AGAP1: variants seen among roughly 807,000 people sequenced by gnomAD.
AGAP1 encodes ArfGAP with GTPase domain, ankyrin repeat and PH domain 1, also known as arf-GAP with GTPase, ANK repeat and PH domain-containing protein 1.
Under a neutral mutation model 105.3 loss-of-function variants are expected in AGAP1, and 29 were observed. The ratio of observed to expected loss-of-function variants is 0.28; its 90% CI spans 0.21 to 0.38. The LOEUF (loss-of-function observed/expected upper bound fraction) is 0.38. Among genes scored for constraint, AGAP1 ranks in the 10% least tolerant of loss-of-function variants. The pLI is 1.00. For synonymous variants in AGAP1, 509 were observed against 485.9 expected, an observed-to-expected ratio of 1.05 and a Z score of -0.63; for missense variants, 998 against 1,165.1, an observed-to-expected ratio of 0.86 and a Z score of 2.09.
In AGAP1 at chr2:236,113,332, G is replaced by A. The variant is rs2059696140; in HGVS notation, c.2115-6860G>A. Among the ~76,000 whole-genome samples, 1 of 151,894 alleles carries A rather than the reference G, an allele frequency of 6.6e-6. No individual in the cohort carries two copies. The highest frequency in any genetic ancestry group is 2.4e-5 in the African/African-American group (1 of 41,340). On this transcript the variant is annotated intron_variant, in intron 16 of 17. Transcript: ENST00000304032. The surrounding 1 kb of genome is among the most constrained non-coding windows in gnomAD (Gnocchi z 4.3). ...ATTTTTGTATTTTTAGTAGAGATGG[G>A]GTTTTACCATGTTGGCCAGGCTGGT...
intron 1 of AGAP1, among the ~76,000 whole-genome samples, chr2:235,708,775 C>T (rs1366273664): frequency 6.6e-6 from 1 of 152,178 alleles, no homozygotes; most frequent in Non-Finnish European, 1.5e-5. Flanking sequence ...CAAATGTGGA[C>T]CGACAGGCTA....
rs1014537736 is a variant in AGAP1, at chr2:236,045,569, T to G, written c.1892-3490T>G. 2.6e-5 allele frequency among the ~76,000 whole-genome samples: 4 copies of G among 151,922 alleles called. No individual in the cohort carries two copies. The highest frequency in any genetic ancestry group is 9.7e-5 in the African/African-American group (4 of 41,328). On this transcript the variant is annotated intron_variant, in intron 15 of 17. Transcript: ENST00000304032. This position sits in a 1 kb window ranked among gnomAD's most constrained non-coding sequence, Gnocchi z 6.9. The stretch of plus-strand genomic sequence containing the variant: ...TGCTAGCAGGTGGCACGCACACAGG[T>G]GTGAGGGCCTGGAGAGCAGGCAGGG...
chr2:235,706,242 C>T (rs73124485), intron 1 of AGAP1, among the ~76,000 whole-genome samples: 11,655 of 152,130 alleles, frequency 0.077, 1,459 homozygotes, highest in African/African-American at 0.26. Context: ...TTTTAAATAA[C>T]GAGATGGAGT....
rs992752170 is a variant in AGAP1, at chr2:236,003,786, C to G, written c.1646-32775C>G. 6.8e-6 allele frequency among the ~76,000 whole-genome samples: 1 copy of G among 146,932 alleles called. No homozygotes were observed. The highest frequency in any genetic ancestry group is 2.2e-4 in the South Asian group (1 of 4,638). On this transcript the variant is annotated intron_variant, in intron 13 of 17. Coordinates refer to ENST00000304032, the MANE Select transcript of AGAP1 (RefSeq NM_001037131.3). The surrounding 1 kb of genome is among the most constrained non-coding windows in gnomAD (Gnocchi z 4.2). Reference sequence around the variant, plus strand: ...TGGAGGGGTCACTGCTGTCCTACCACTTTTTTTTTTTTCTGGAAGTTTGCA... The same window carrying G: ...TGGAGGGGTCACTGCTGTCCTACCAGTTTTTTTTTTTTCTGGAAGTTTGCA...
chr2:235,573,728 C>G (rs183577095), intron 1 of AGAP1, among the ~76,000 whole-genome samples: 64 of 152,356 alleles, frequency 4.2e-4, no homozygotes, highest in African/African-American at 1.3e-3. Context: ...CGCCCCATCA[C>G]CAGCAGGTGG....
At chr2:235,571,030 G>A (rs1024218971) in intron 1 of AGAP1, among the ~76,000 whole-genome samples, 4 of 152,238 alleles carry the variant, frequency 2.6e-5, no homozygotes, top group South Asian at 2.1e-4. Context: ...CAATCATGGC[G>A]GAAGGCAAAG....
chr2:235,609,251 C>T lies in AGAP1; in HGVS notation c.164-99928C>T, dbSNP rs1488069222. ...GATGACCGTAAACAAGCTGTGGGAA[C>T]ATAAGGAAAAGCAGATGTGGCCACT... On this transcript the variant is annotated intron_variant, in intron 1 of 17. Coordinates refer to ENST00000304032, the MANE Select transcript of AGAP1 (RefSeq NM_001037131.3). The surrounding 1 kb of genome is among the most constrained non-coding windows in gnomAD (Gnocchi z 5.1). Among the ~76,000 whole-genome samples the T allele has an allele frequency of 2.0e-5, 3 of 151,998 alleles. No homozygotes were observed. The highest frequency in any genetic ancestry group is 6.6e-5 in the Admixed American group (1 of 15,262).
intron 13 of AGAP1, among the ~76,000 whole-genome samples, chr2:236,026,002 G>A (rs972468718): frequency 7.9e-5 from 12 of 152,302 alleles, no homozygotes; most frequent in African/African-American, 2.6e-4. Context: ...AGAGGCACCA[G>A]GCTCCCTGCC....
In AGAP1 at chr2:236,119,984, C is replaced by T. The variant is rs2125974800; in HGVS notation, c.2115-208C>T. 6.6e-6 allele frequency among the ~76,000 whole-genome samples: 1 copy of T among 152,322 alleles called. No homozygotes were observed. Among genetic ancestry groups the T allele is most frequent in the East Asian group, 1.9e-4 (1 of 5,174 alleles). ...GGGGTCTGGGGCGTGACCTGAGAAT[C>T]TGCATTTCTGGGCTGATGCTGCTGG... is the stretch of plus-strand genomic sequence containing the variant. On this transcript the variant is annotated intron_variant, in intron 16 of 17. Coordinates refer to ENST00000304032, the MANE Select transcript of AGAP1 (RefSeq NM_001037131.3). The surrounding 1 kb of genome is among the most constrained non-coding windows in gnomAD (Gnocchi z 6.6).
intron 1 of AGAP1, among the ~76,000 whole-genome samples, chr2:235,548,513 C>G (rs998396111): frequency 2.6e-5 from 4 of 152,082 alleles, no homozygotes; most frequent in African/African-American, 9.7e-5. Context: ...ATTAGCCAGG[C>G]GTGGTGGCAT....
chr2:235,521,758 G>T (rs1282113778), intron 1 of AGAP1, among the ~76,000 whole-genome samples: 1 of 151,886 alleles, frequency 6.6e-6, no homozygotes, highest in East Asian at 1.9e-4. Context: ...GTGTGTGTGT[G>T]TGTGTGTGTG....
chr2:235,752,870 T>C lies in AGAP1; in HGVS notation c.673+2382T>C, dbSNP rs1166297773. 6.6e-6 allele frequency among the ~76,000 whole-genome samples: 1 copy of C among 152,222 alleles called. No individual in the cohort carries two copies. The highest frequency in any genetic ancestry group is 1.5e-5 in the Non-Finnish European group (1 of 68,038). On this transcript the variant is annotated intron_variant, in intron 6 of 17. Transcript: ENST00000304032. The surrounding 1 kb of genome is among the most constrained non-coding windows in gnomAD (Gnocchi z 4.3). ...TGCTCTAACAAGACCCAGTGGCTTATACAACAGACTTTTACTTGTCCTACT... is the reference window on the plus strand; with the variant it reads ...TGCTCTAACAAGACCCAGTGGCTTACACAACAGACTTTTACTTGTCCTACT...
rs57069910 is a variant in AGAP1 at position 235,721,477 on chromosome 2, ATGTGTGTGTG to A, written c.310+3851_310+3860del. On this transcript the variant is annotated intron_variant, in intron 3 of 17. Coordinates refer to ENST00000304032, the MANE Select transcript of AGAP1 (RefSeq NM_001037131.3). The surrounding 1 kb of genome is among the most constrained non-coding windows in gnomAD (Gnocchi z 4.5). ...TTGGATTGACAGATTCCTTAATATT[ATGTGTGTGTG>A]TGTGTGTGTGTGTGTGTACACCTAG... Among the ~76,000 whole-genome samples, 1,569 of 149,726 alleles carry A rather than the reference ATGTGTGTGTG, an allele frequency of 0.01. 36 individuals carry two copies. The highest frequency in any genetic ancestry group is 0.035 in the African/African-American group (1,436 of 40,754).
chr2:235,602,510 G>A (rs1047817317), intron 1 of AGAP1, among the ~76,000 whole-genome samples: 6 of 152,166 alleles, frequency 3.9e-5, no homozygotes, highest in East Asian at 1.9e-4. Flanking sequence ...CCTCTAGCAC[G>A]CCAGCCCCAG....
rs2056186397 is a variant in AGAP1 at position 236,002,980 on chromosome 2, C to T, written c.1646-33581C>T. On this transcript the variant is annotated intron_variant, in intron 13 of 17. Transcript: ENST00000304032. The surrounding 1 kb of genome is among the most constrained non-coding windows in gnomAD (Gnocchi z 4.3). ...CCCAGCTCTTCTTTTGTTTTGCTCA[C>T]CGAGAAAAAGAAGACTCGGGAACCA... 6.6e-6 allele frequency among the ~76,000 whole-genome samples: 1 copy of T among 152,020 alleles called. No individual in the cohort carries two copies. Among genetic ancestry groups the T allele is most frequent in the African/African-American group, 2.4e-5 (1 of 41,374 alleles).
intron 1 of AGAP1, among the ~76,000 whole-genome samples, chr2:235,495,782 C>G (rs1020363039): frequency 2.0e-5 from 3 of 152,218 alleles, no homozygotes; most frequent in African/African-American, 7.2e-5. Context: ...ACCTGGGGCA[C>G]CAGGTGGCAT....
intron 1 of AGAP1, among the ~76,000 whole-genome samples, chr2:235,624,903 G>A (rs1036783952): frequency 1.3e-5 from 2 of 151,824 alleles, no homozygotes. Context: ...CCCACTCCCC[G>A]ACCCCTCTAC....
At chr2:235,518,047 T>G (rs562732139) in intron 1 of AGAP1, among the ~76,000 whole-genome samples, 1 of 152,056 alleles carries the variant, frequency 6.6e-6, no homozygotes, top group East Asian at 1.9e-4. Flanking sequence ...AGGTGGAAGC[T>G]CAGGCAGGCC....
At position 235,799,672 on chromosome 2, in the gene AGAP1, T is replaced by G; in HGVS notation, c.957+150T>G. On this transcript the variant is annotated intron_variant, in intron 8 of 17. Coordinates refer to ENST00000304032, the MANE Select transcript of AGAP1 (RefSeq NM_001037131.3). This position sits in a 1 kb window ranked among gnomAD's most constrained non-coding sequence, Gnocchi z 5.0. ...GATTTCTGTGGAGGACTAAGAAAATTAAGAGAAGCAAAGATTTGGATGTTG... is the reference window on the plus strand; with the variant it reads ...GATTTCTGTGGAGGACTAAGAAAATGAAGAGAAGCAAAGATTTGGATGTTG... 6 of 941,282 alleles carry G rather than the reference T, an allele frequency of 6.4e-6. No homozygotes were observed. In the South Asian group the frequency reaches 1.4e-4, roughly 22 times the overall value. 58.3% of individuals were successfully genotyped at this position (941,282 alleles called of 1,614,324 possible). A position where few individuals can be genotyped will look rare whatever the true frequency, so the allele number is the denominator to read the frequency against.
Sources: gnomAD v4.1 joint callset for allele counts (sites outside exome capture counted in the v4.1 genomes callset) on GRCh38, gnomAD v4.1.1 for gene constraint, Gnocchi (gnomAD v3.1) non-coding constraint, MANE v1.5 for transcripts, NCBI Gene and HGNC (gene_info 2026-07-23, HGNC 2026-07-21) for gene names.